CSMD1: variants seen among roughly 807,000 people sequenced by gnomAD.
CSMD1 encodes CUB and Sushi multiple domains 1.
CSMD1 carries 213 observed loss-of-function variants against 417.5 expected under a neutral mutation model. The ratio of observed to expected loss-of-function variants is 0.51; its 90% confidence interval spans 0.46 to 0.57. The LOEUF (loss-of-function observed/expected upper bound fraction) is 0.57, where lower values mean the gene tolerates loss of function less well. Among genes scored for constraint, CSMD1 ranks in the 20% least tolerant of loss-of-function variants. CSMD1 has a pLI of 0.00. For missense variants in CSMD1, 6,923 were observed against 4,529.7 expected (o/e 1.53, Z -15.17); for synonymous variants, 2,862 against 1,736.8 (o/e 1.65, Z -16.11).
At chr8:4,582,768 C>A (rs1329552210) in intron 2 of CSMD1, among the ~76,000 whole-genome samples, 1 of 152,216 alleles carries the variant, frequency 6.6e-6, no homozygotes, top group Non-Finnish European at 1.5e-5. Context: ...ACTGTGGGAG[C>A]CCTTTTCTGA....
intron 3 of CSMD1, among the ~76,000 whole-genome samples, chr8:4,218,982 G>A (rs192348304): frequency 5.3e-5 from 8 of 152,064 alleles, no homozygotes; most frequent in Admixed American, 2.6e-4. Flanking sequence ...AAATACTCCC[G>A]GTGTACAGCA....
chr8:4,422,271 C>T (rs1188190140), intron 2 of CSMD1, among the ~76,000 whole-genome samples: 4 of 152,134 alleles, frequency 2.6e-5, no homozygotes, highest in African/African-American at 7.2e-5. Flanking sequence ...GGATAGAATG[C>T]TTTTGTAGTA....
At chr8:2,992,839 G>C (rs1047037552) in intron 54 of CSMD1, among the ~76,000 whole-genome samples, 1 of 152,110 alleles carries the variant, frequency 6.6e-6, no homozygotes, top group African/African-American at 2.4e-5. Flanking sequence ...CCAGGCTCAA[G>C]GGATCCTCCC....
chr8:4,777,870 C>A (rs1796946704), intron 1 of CSMD1, among the ~76,000 whole-genome samples: 1 of 152,220 alleles, frequency 6.6e-6, no homozygotes, highest in Non-Finnish European at 1.5e-5. Flanking sequence ...TGACTTCTGA[C>A]ACACTGAAAT....
At chr8:3,008,170 T>C (rs1407077757) in intron 52 of CSMD1, among the ~76,000 whole-genome samples, 1 of 152,128 alleles carries the variant, frequency 6.6e-6, no homozygotes, top group East Asian at 1.9e-4. Context: ...GCAAGCAAAA[T>C]GTCAGGAAGA....
intron 3 of CSMD1, among the ~76,000 whole-genome samples, chr8:4,059,287 A>T (rs1411497611): frequency 2.0e-5 from 3 of 151,674 alleles, no homozygotes; most frequent in Non-Finnish European, 2.9e-5. Context: ...GGACACATTC[A>T]AAACACTGTG....
At chr8:4,156,386 C>A (rs1442755022) in intron 3 of CSMD1, among the ~76,000 whole-genome samples, 1 of 152,092 alleles carries the variant, frequency 6.6e-6, no homozygotes, top group Admixed American at 6.5e-5. Context: ...AAGCCAATGG[C>A]AAGTCCATAA....
intron 23 of CSMD1, among the ~76,000 whole-genome samples, chr8:3,310,028 G>A (rs546742001): frequency 6.6e-6 from 1 of 152,148 alleles, no homozygotes; most frequent in South Asian, 2.1e-4. Context: ...TTTTAATTCA[G>A]ATGCCTGGAA....
At chr8:4,859,879 A>G (rs986495902) in intron 1 of CSMD1, among the ~76,000 whole-genome samples, 5 of 152,168 alleles carry the variant, frequency 3.3e-5, no homozygotes, top group Admixed American at 3.3e-4. Context: ...AGAACTGGAA[A>G]TACCATTTGA....
At chr8:3,921,651 G>A (rs1346208746) in intron 5 of CSMD1, among the ~76,000 whole-genome samples, 1 of 151,584 alleles carries the variant, frequency 6.6e-6, no homozygotes. Context: ...TCCCCCATTA[G>A]TTGTTCAGGC....
At chr8:3,106,686 C>CACACACTCAGAAGG in intron 45 of CSMD1, 45 bp from the exon 46 acceptor site, 2 of 1,204,946 alleles carry the variant, frequency 1.7e-6, no homozygotes, top group Non-Finnish European at 2.4e-6. Context: ...GTGTGACCTT[C>CACACACTCAGAAGG]TGAGTGTGTG....
At chr8:3,450,828 C>T (rs1257175845) in intron 12 of CSMD1, among the ~76,000 whole-genome samples, 1 of 151,612 alleles carries the variant, frequency 6.6e-6, no homozygotes, top group African/African-American at 2.4e-5. Flanking sequence ...GGGTATATAC[C>T]CAGTAATGGG....
In CSMD1 at chr8:4,400,086, A is replaced by G. The variant is rs180845719; in HGVS notation, c.415+19867T>C. Among the ~76,000 whole-genome samples the G allele has an allele frequency of 3.5e-4, 54 of 152,294 alleles. 3 individuals are homozygous for G. Among genetic ancestry groups the G allele is most frequent in the Admixed American group, 2.6e-3 (40 of 15,298 alleles). ...TCAGCATGCCAAAAGAGAGATCTAAATACGAGTACATTAAAATAGTGTATA... is the reference window on the plus strand; with the variant it reads ...TCAGCATGCCAAAAGAGAGATCTAAGTACGAGTACATTAAAATAGTGTATA... On this transcript the variant is annotated intron_variant, in intron 3 of 69. Coordinates refer to ENST00000635120, the MANE Select transcript of CSMD1 (RefSeq NM_033225.6).
chr8:3,359,007 C>A, intron 21 of CSMD1, 145 bp downstream of exon 21: 1 of 682,304 alleles, frequency 1.5e-6, no homozygotes, highest in African/African-American at 1.8e-5. Flanking sequence ...CTCCCCTCTC[C>A]CCTGGTTGGC....
intron 3 of CSMD1, among the ~76,000 whole-genome samples, chr8:4,132,687 C>G (rs925527313): frequency 3.9e-5 from 6 of 152,142 alleles, no homozygotes; most frequent in African/African-American, 1.2e-4. Flanking sequence ...AGCCTCGCAA[C>G]TCAATGTGGG....
At chr8:3,933,128 A>AT (rs1810268864) in intron 5 of CSMD1, among the ~76,000 whole-genome samples, 1 of 150,312 alleles carries the variant, frequency 6.7e-6, no homozygotes, top group South Asian at 2.1e-4. Context: ...ATATATTTTG[A>AT]TTTTTACCAA....
chr8:4,759,498 C>T (rs1045153722), intron 1 of CSMD1, among the ~76,000 whole-genome samples: 3 of 152,190 alleles, frequency 2.0e-5, no homozygotes, highest in African/African-American at 7.2e-5. Flanking sequence ...CTGCACCTAT[C>T]AACCCATCAC....
Position 3,389,869 on chromosome 8 carries a change from T to C in CSMD1, c.2594-2187A>G, listed in dbSNP as rs568054533. On this transcript the variant is annotated intron_variant, in intron 17 of 69. Coordinates refer to ENST00000635120, the MANE Select transcript of CSMD1 (RefSeq NM_033225.6). ...CATAATACTTCCATTCATTTTTAAA[T>C]AATAATTGACACCACTATTGAATTT... 5.9e-5 allele frequency among the ~76,000 whole-genome samples: 9 copies of C among 152,324 alleles called. No homozygotes were observed. The South Asian group carries it at 1.2e-3, about 21-fold the overall frequency.
intron 1 of CSMD1, among the ~76,000 whole-genome samples, chr8:4,961,547 G>A (rs982625859): frequency 2.0e-5 from 3 of 152,026 alleles, no homozygotes; most frequent in Non-Finnish European, 4.4e-5. Context: ...GTTCCTCTTA[G>A]AATTTTGAAG....
Sources: gnomAD v4.1 joint callset for allele counts (sites outside exome capture counted in the v4.1 genomes callset) on GRCh38, gnomAD v4.1.1 for gene constraint, MANE v1.5 for transcripts, NCBI Gene and HGNC (gene_info 2026-07-23, HGNC 2026-07-21) for gene names.